Variants in ZNF718 observed in about 807,000 individuals in gnomAD.
ZNF718 encodes the protein zinc finger protein 718.
In ZNF718, 3 loss-of-function variants were observed where a neutral mutation model predicts 2.6. The observed-to-expected ratio is 1.16, with a 90% CI of 0.53 to 3.01. The LOEUF (loss-of-function observed/expected upper bound fraction) is 3.01, where lower values mean the gene tolerates loss of function less well. Among genes scored for constraint, ZNF718 ranks in the 30% most tolerant of loss-of-function variants. The pLI, the probability that ZNF718 is intolerant of heterozygous loss-of-function variation, is 0.03. For synonymous variants in ZNF718, 135 were observed against 77.9 expected (o/e 1.73, Z -3.86); for missense variants, 468 against 230.0 (o/e 2.03, Z -6.69).
intron 1 of ZNF718, among the ~76,000 whole-genome samples, chr4:125,983 A>G (rs1305053634): frequency 6.6e-6 from 1 of 152,118 alleles, no homozygotes; most frequent in South Asian, 2.1e-4. Flanking sequence ...TTAATCTCCT[A>G]TGCCTTTATG....
chr4:179,815 A>G (rs1717428449), intron 3 of ZNF718, among the ~76,000 whole-genome samples: 1 of 152,210 alleles, frequency 6.6e-6, no homozygotes, highest in African/African-American at 2.4e-5. Flanking sequence ...GTAAATTCTC[A>G]GTGGTGGAAT....
In ZNF718 at chr4:156,865, G is replaced by A. The variant is rs985334222; in HGVS notation, c.227-4047G>A. Among the ~76,000 whole-genome samples, 9 of 151,758 alleles carry A rather than the reference G, an allele frequency of 5.9e-5. No homozygotes were observed. In the East Asian group the frequency reaches 7.7e-4, roughly 13 times the overall value. On this transcript the variant is annotated intron_variant, in intron 3 of 3. Transcript: ENST00000510175. ...GATGAGAGACATTTGCATTACTTTC[G>A]TTTATTTGCTTCAGTAACAGTGCTG...
chr4:168,245 G>A (rs1258778302), downstream of ZNF718, among the ~76,000 whole-genome samples: 3 of 152,072 alleles, frequency 2.0e-5, no homozygotes, highest in East Asian at 1.9e-4. Flanking sequence ...TGCTGGATTC[G>A]GTTTGCCAGT....
chr4:124,784 C>T (rs1182996487), intron 1 of ZNF718, 111 bp downstream of exon 1: 7 of 1,451,552 alleles, frequency 4.8e-6, no homozygotes, highest in Non-Finnish European at 6.5e-6. Context: ...AGCCCTCTGT[C>T]CTCAGTCCCC....
intron 3 of ZNF718, among the ~76,000 whole-genome samples, chr4:134,250 C>A (rs1553808897): frequency 1.3e-5 from 2 of 152,058 alleles, no homozygotes; most frequent in South Asian, 2.1e-4. Context: ...GGGTTCACAC[C>A]ATTCTCCTGC....
At chr4:188,673 C>G (rs1322394835) in intron 3 of ZNF718, among the ~76,000 whole-genome samples, 2 of 152,196 alleles carry the variant, frequency 1.3e-5, no homozygotes, top group African/African-American at 2.4e-5. Flanking sequence ...CCACACAACT[C>G]TGTGTGTCAG....
intron 3 of ZNF718, among the ~76,000 whole-genome samples, chr4:144,053 C>T (rs2108789582): frequency 6.6e-6 from 1 of 152,282 alleles, no homozygotes; most frequent in African/African-American, 2.4e-5. Flanking sequence ...AGGGCATCCA[C>T]CGTTAATAAC....
intron 3 of ZNF718, among the ~76,000 whole-genome samples, chr4:143,055 C>T (rs4634177): frequency 0.2 from 30,104 of 152,026 alleles, 3,187 homozygotes; most frequent in Admixed American, 0.27. Flanking sequence ...CTAAAAGAAA[C>T]GTGCAACCAT....
chr4:196,135 G>A (rs1717787922), intron 3 of ZNF718, among the ~76,000 whole-genome samples: 2 of 152,068 alleles, frequency 1.3e-5, no homozygotes. Flanking sequence ...TTAAAGTACT[G>A]GGTTATCACT....
intron 3 of ZNF718, among the ~76,000 whole-genome samples, chr4:187,215 T>G (rs552376397): frequency 1.4e-4 from 21 of 151,602 alleles, no homozygotes; most frequent in Admixed American, 4.6e-4. Context: ...TTTTTTGGGG[T>G]TTTTTTTGTT....
chr4:177,801 C>T (rs546749649), intron 3 of ZNF718, among the ~76,000 whole-genome samples: 9 of 152,118 alleles, frequency 5.9e-5, no homozygotes, highest in South Asian at 4.1e-4. Context: ...GAAGCAGTTA[C>T]GGAAGACCCA....
At chr4:174,740 T>A (rs554495413) in intron 3 of ZNF718, among the ~76,000 whole-genome samples, 2 of 152,236 alleles carry the variant, frequency 1.3e-5, no homozygotes, top group Middle Eastern at 3.4e-3. Context: ...ATAGAAAAAA[T>A]TCAAGTAATT....
chr4:150,949 AAC>A (rs550201046), intron 3 of ZNF718, among the ~76,000 whole-genome samples: 137 of 152,212 alleles, frequency 9.0e-4, no homozygotes, highest in African/African-American at 3.1e-3. Flanking sequence ...GAGTCAAAGA[AAC>A]AGTCTAAATT....
At chr4:142,249 C>CT (rs1449946094) in intron 3 of ZNF718, among the ~76,000 whole-genome samples, 1 of 152,170 alleles carries the variant, frequency 6.6e-6, no homozygotes, top group Non-Finnish European at 1.5e-5. Flanking sequence ...TCATAAAACT[C>CT]TTACCTTTGA....
At chr4:143,362 A>G (rs1177283248) in intron 3 of ZNF718, among the ~76,000 whole-genome samples, 1 of 152,004 alleles carries the variant, frequency 6.6e-6, no homozygotes, top group Non-Finnish European at 1.5e-5. Flanking sequence ...TAATTTTTCT[A>G]TTTTTAGTAG....
chr4:167,484 G>A (rs947094402), downstream of ZNF718, among the ~76,000 whole-genome samples: 9 of 152,076 alleles, frequency 5.9e-5, no homozygotes, highest in African/African-American at 9.7e-5. Context: ...ACCCATGAGC[G>A]TGGAATGTTC....
At chr4:151,773 G>T (rs1249104959) in intron 3 of ZNF718, among the ~76,000 whole-genome samples, 1 of 151,750 alleles carries the variant, frequency 6.6e-6, no homozygotes, top group Non-Finnish European at 1.5e-5. Context: ...CACACCTGTG[G>T]GTGTTTCTCG....
Position 161,126 on chromosome 4 carries a change from AT to A in ZNF718, c.442del (p.Cys148ValfsTer16). The stretch of plus-strand genomic sequence containing the variant: ...AGAAAAAAACAATTCAATCTAATAT[AT>A]GTGTCAAAGTTTTTCATAAATTTTC... ...TQKKTIQSNI[C>X]VKVFHKFSNS... On this transcript the variant is annotated frameshift_variant, in exon 4 of 4. Transcript: ENST00000510175. LOFTEE classifies it low-confidence loss of function (END_TRUNC). The A allele has an allele frequency of 1.3e-6, 1 of 759,338 alleles. No individual in the cohort carries two copies. 47.0% of individuals were successfully genotyped at this position (759,338 alleles called of 1,614,324 possible).
At chr4:150,632 A>G (rs1716275147) in intron 3 of ZNF718, among the ~76,000 whole-genome samples, 1 of 151,714 alleles carries the variant, frequency 6.6e-6, no homozygotes, top group South Asian at 2.1e-4. Flanking sequence ...TCTGTACTAG[A>G]TTTTCTTTAT....
Sources: gnomAD v4.1 joint callset for allele counts (sites outside exome capture counted in the v4.1 genomes callset) on GRCh38, gnomAD v4.1.1 for gene constraint, MANE v1.5 for transcripts, NCBI Gene and HGNC (gene_info 2026-07-23, HGNC 2026-07-21) for gene names.